MBD1: variants seen among roughly 807,000 people sequenced by gnomAD.
MBD1 encodes methyl-CpG-binding domain protein 1.
A neutral mutation model predicts 82.6 loss-of-function variants in MBD1; 25 were observed. The observed-to-expected ratio is 0.30, with a 90% CI of 0.22 to 0.42. The LOEUF (loss-of-function observed/expected upper bound fraction) is 0.42. MBD1 is among the 10% of genes least tolerant of loss of function. The probability of loss-of-function intolerance (pLI) is 1.00; values close to 1 mark genes in which losing one functional copy is unlikely to be tolerated. For synonymous variants in MBD1, 301 were observed against 303.7 expected, an observed-to-expected ratio of 0.99 and a Z score of 0.09; for missense variants, 627 against 819.6, an observed-to-expected ratio of 0.76 and a Z score of 2.87.
chr18:50,281,753 A>G (rs2040316831), upstream of MBD1: 3 of 339,662 alleles, frequency 8.8e-6, no homozygotes, highest in Non-Finnish European at 1.6e-5. Context: ...CTCGCTGCCC[A>G]TCTAGCTGGC....
At chr18:50,270,142 A>G in intron 16 of MBD1, 1 of 1,598,360 alleles carries the variant, frequency 6.3e-7, no homozygotes, top group Non-Finnish European at 8.5e-7. Context: ...TGAACTAGTT[A>G]GGATGGAATA....
At position 50,271,412 on chromosome 18, in the gene MBD1, G is replaced by A; in HGVS notation, c.*32+57C>T. On this transcript the variant is annotated intron_variant, in intron 16 of 16. Transcript: ENST00000269468. Reference sequence around the variant, plus strand: ...ACACAAGCCCTGGCAACCAATCTAGGGTCCAGCCCCTAGTAGATCAGTGTT... The same window carrying A: ...ACACAAGCCCTGGCAACCAATCTAGAGTCCAGCCCCTAGTAGATCAGTGTT... The A allele has an allele frequency of 1.9e-6, 3 of 1,613,196 alleles. No homozygotes were observed. The East Asian group carries it at 6.7e-5, about 36-fold the overall frequency.
intron 2 of MBD1, among the ~76,000 whole-genome samples, chr18:50,279,048 CT>C (rs1346707299): frequency 4.6e-5 from 7 of 152,332 alleles, no homozygotes; most frequent in African/African-American, 1.4e-4. Flanking sequence ...CTTCGGAAGA[CT>C]CCTGATCAGC....
chr18:50,270,224 T>A, intron 16 of MBD1: 1 of 1,453,728 alleles, frequency 6.9e-7, no homozygotes, highest in Non-Finnish European at 9.5e-7. Context: ...AATCCATGTC[T>A]GAATTACTTA....
At position 50,275,967 on chromosome 18, in the gene MBD1, C is replaced by T. The variant is rs1157686670; in HGVS notation, c.531G>A (p.Gly177=). Residue 177 remains glycine, a synonymous_variant, in exon 7 of 17, where the codon GGG becomes GGA. Coordinates refer to ENST00000269468, the MANE Select transcript of MBD1 (RefSeq NM_015846.4). Reference sequence around the variant, plus strand: ...CTGTTACCTGGCAGGCTGCACACTCCCCACAGCCCACACGCTGCCAGGAAT... The same window carrying T: ...CTGTTACCTGGCAGGCTGCACACTCTCCACAGCCCACACGCTGCCAGGAAT... ...EQRMFKRVGC[G]ECAACQVTED... 1.2e-6 allele frequency: 2 copies of T among 1,612,796 alleles called. No individual in the cohort carries two copies. The highest frequency in any genetic ancestry group is 1.7e-6 in the Non-Finnish European group (2 of 1,180,016).
chr18:50,273,761 G>C lies in MBD1; in HGVS notation c.1249C>G (p.Leu417Val). The change falls in exon 12 of 17, where the codon CTT (leucine) becomes GTT (valine). Residue 417 changes from leucine to valine, a missense_variant. Leu to Val is a conservative substitution (Grantham distance 32, BLOSUM62 1). Transcript: ENST00000269468. Reference protein sequence around the residue: ...KRPSSARRHHLGPTLKPTLAT... With the variant: ...KRPSSARRHHVGPTLKPTLAT... Reference sequence around the variant, plus strand: ...AAGGTGGGCTTCAAGGTAGGGCCAAGATGGTGCCGTCGGGCAGAGCTGGGC... The same window carrying C: ...AAGGTGGGCTTCAAGGTAGGGCCAACATGGTGCCGTCGGGCAGAGCTGGGC... The C allele has an allele frequency of 6.2e-7, 1 of 1,614,148 alleles. No homozygotes were observed. The highest frequency in any genetic ancestry group is 8.5e-7 in the Non-Finnish European group (1 of 1,180,042).
Position 50,273,765 on chromosome 18 carries a change from G to T in MBD1, c.1245C>A (p.His415Gln). 6.2e-7 allele frequency: 1 copy of T among 1,614,130 alleles called. No individual in the cohort carries two copies. The highest frequency in any genetic ancestry group is 8.5e-7 in the Non-Finnish European group (1 of 1,180,032). ...TGGGCTTCAAGGTAGGGCCAAGATGGTGCCGTCGGGCAGAGCTGGGCCTCT... is the reference window on the plus strand; with the variant it reads ...TGGGCTTCAAGGTAGGGCCAAGATGTTGCCGTCGGGCAGAGCTGGGCCTCT... ...RRKRPSSARR[H>Q]HLGPTLKPTL... The change falls in exon 12 of 17, where the codon CAC becomes CAA. Residue 415 changes from histidine (H) to glutamine (Q), a missense_variant. Coordinates refer to ENST00000269468, the MANE Select transcript of MBD1 (RefSeq NM_015846.4).
rs77054827 is a variant in MBD1, at chr18:50,272,167, G to A, written c.1778+510C>T. Among the ~76,000 whole-genome samples, 127 of 152,182 alleles carry A rather than the reference G, an allele frequency of 8.3e-4. No individual in the cohort carries two copies. In the East Asian group the frequency reaches 0.014, roughly 17 times the overall value. On this transcript the variant is annotated intron_variant, in intron 15 of 16. Coordinates refer to ENST00000269468, the MANE Select transcript of MBD1 (RefSeq NM_015846.4). Reference sequence around the variant, plus strand: ...GGGCAACCAGAGATCACACAACTACGTGTGAACCCAGCTCACAAAGCCAGC... The same window carrying A: ...GGGCAACCAGAGATCACACAACTACATGTGAACCCAGCTCACAAAGCCAGC...
chr18:50,281,629 A>T, upstream of MBD1: 1 of 440,914 alleles, frequency 2.3e-6, no homozygotes, highest in East Asian at 3.4e-5. Flanking sequence ...TCCCGCGCCT[A>T]CGGGCCGGCG....
intron 2 of MBD1, among the ~76,000 whole-genome samples, chr18:50,277,908 C>A (rs191174534): frequency 1.3e-5 from 2 of 152,306 alleles, no homozygotes; most frequent in Admixed American, 1.3e-4. Flanking sequence ...AATAATACAA[C>A]CCTCTTCACG....
intron 16 of MBD1, chr18:50,271,252 T>C: frequency 2.1e-6 from 3 of 1,411,058 alleles, no homozygotes; most frequent in African/African-American, 2.9e-5. Context: ...ATACTCAGGC[T>C]CTTGGGGAGG....
At position 50,273,694 on chromosome 18, in the gene MBD1, G is replaced by A. The variant is rs748711867; in HGVS notation, c.1316C>T (p.Thr439Met). The change falls in exon 12 of 17, where the codon ACG becomes ATG. Residue 439 changes from threonine to methionine, a missense_variant. Physicochemically the swap from Thr to Met is moderately conservative, Grantham distance 81 (BLOSUM62 -1). This residue lies in a region of MBD1 where 265 missense variants were observed against 278.4 expected (regional missense o/e 0.95). Coordinates refer to ENST00000269468, the MANE Select transcript of MBD1 (RefSeq NM_015846.4). ...AAAGCCACCACCTGCTTCCTGCTTCGTTGGAGCCTGGGTATGGTCTGGTTG... is the reference window on the plus strand; with the variant it reads ...AAAGCCACCACCTGCTTCCTGCTTCATTGGAGCCTGGGTATGGTCTGGTTG... ...TAQPDHTQAP[T>M]KQEAGGGFVL... The A allele has an allele frequency of 8.7e-6, 14 of 1,614,008 alleles. No homozygotes were observed. The highest frequency in any genetic ancestry group is 4.4e-5 in the South Asian group (4 of 91,088).
At position 50,277,223 on chromosome 18, in the gene MBD1, G is replaced by A. The variant is rs1444659471; in HGVS notation, c.111-19C>T. The A allele has an allele frequency of 3.8e-6, 6 of 1,582,024 alleles. No individual in the cohort carries two copies. In the Middle Eastern group the frequency reaches 8.9e-4, roughly 235 times the overall value. On this transcript the variant is annotated intron_variant, in intron 2 of 16. Coordinates refer to ENST00000269468, the MANE Select transcript of MBD1 (RefSeq NM_015846.4). ...TGTGGGGCTAGGGATGGGCCATGAT[G>A]GGTTAGCACCCAGGTGGAGCCAATG...
intron 1 of MBD1, among the ~76,000 whole-genome samples, 193 bp from the exon 2 acceptor site, chr18:50,280,210 T>G (rs1311270116): frequency 6.6e-6 from 1 of 152,094 alleles, no homozygotes; most frequent in Non-Finnish European, 1.5e-5. Context: ...GGGCCTAGGA[T>G]ATCATCATTC....
Position 50,272,873 on chromosome 18 carries a change from G to A in MBD1, c.1667C>T (p.Ala556Val), listed in dbSNP as rs1211289870. ...EDKEENKDDS[A>V]SKLAPEEEAG... ...CTCTTCCTCTGGGGCCAATTTGGAG[G>A]CAGAATCATCCTTGTTCTCCTCCTT... Residue 556 changes from alanine (A) to valine (V), a missense_variant, in exon 14 of 17, where the codon GCC (alanine) becomes GTC (valine). Ala to Val is a moderately conservative substitution (Grantham distance 64). Transcript: ENST00000269468. The A allele has an allele frequency of 2.5e-6, 4 of 1,614,118 alleles. No individual in the cohort carries two copies. The highest frequency in any genetic ancestry group is 3.4e-6 in the Non-Finnish European group (4 of 1,180,050).
intron 16 of MBD1, 76 bp downstream of exon 16, chr18:50,271,393 G>A: frequency 6.2e-7 from 1 of 1,611,054 alleles, no homozygotes; most frequent in South Asian, 1.1e-5. Flanking sequence ...TCACACACAA[G>A]CCCTGGCAAC....
chr18:50,273,831 A>C lies in MBD1; in HGVS notation c.1179T>G (p.Ser393=). 1 of 1,613,502 alleles carries C rather than the reference A, an allele frequency of 6.2e-7. No individual in the cohort carries two copies. The highest frequency in any genetic ancestry group is 8.5e-7 in the Non-Finnish European group (1 of 1,180,016). Residue 393 remains serine, a synonymous_variant, in exon 12 of 17, where the codon TCT becomes TCG. Transcript: ENST00000269468. ...GTGGGGGCGATCCTGCCCCATCCTC[A>C]GACTCTGACCAGACACTGGGCAGCA... ...KRLLPSVWSE[S]EDGAGSPPPY...
intron 13 of MBD1, 152 bp downstream of exon 13, chr18:50,273,182 A>C: frequency 7.8e-7 from 1 of 1,279,366 alleles, no homozygotes; most frequent in Non-Finnish European, 1.1e-6. Flanking sequence ...TGTGGGAGGT[A>C]GGGTGTCTGT....
intron 2 of MBD1, among the ~76,000 whole-genome samples, chr18:50,278,812 G>C (rs1272509159): frequency 6.6e-6 from 1 of 152,108 alleles, no homozygotes; most frequent in Non-Finnish European, 1.5e-5. Flanking sequence ...CTTTTGTTTT[G>C]TGTGTGTTTC....
Sources: allele counts gnomAD v4.1 joint callset (sites outside exome capture counted in the v4.1 genomes callset), GRCh38; gene constraint gnomAD v4.1.1; regional missense constraint gnomAD v4.1.1; transcripts MANE v1.5; gene names NCBI Gene and HGNC (gene_info 2026-07-23, HGNC 2026-07-21).